The following DOCK5 variants were observed in gnomAD, a reference collection of about 807,000 sequenced individuals.
DOCK5 encodes the protein dedicator of cytokinesis protein 5.
DOCK5 carries 142 observed loss-of-function variants against 251.8 expected under a neutral mutation model. The ratio of observed to expected loss-of-function variants is 0.56; its 90% confidence interval spans 0.49 to 0.65. The LOEUF is 0.65. DOCK5 is among the 30% of genes least tolerant of loss of function. The probability of loss-of-function intolerance (pLI) is 0.00; values close to 1 mark genes in which losing one functional copy is unlikely to be tolerated. For missense variants in DOCK5, 2,111 were observed against 2,312.3 expected, an observed-to-expected ratio of 0.91 and a Z score of 1.79; for synonymous variants, 842 against 835.5, an observed-to-expected ratio of 1.01 and a Z score of -0.13.
chr8:25,400,879 G>T, intron 46 of DOCK5, 50 bp from the exon 47 acceptor site: 3 of 1,604,424 alleles, frequency 1.9e-6, no homozygotes, highest in South Asian at 1.1e-5. Context: ...AAATCAAAAC[G>T]ATCCCTCTTC....
intron 2 of DOCK5, among the ~76,000 whole-genome samples, chr8:25,245,156 A>G (rs1343097306): frequency 2.0e-5 from 3 of 152,138 alleles, no homozygotes; most frequent in Admixed American, 6.5e-5. Context: ...TTCCGGGTTC[A>G]TGCCATTCTC....
intron 26 of DOCK5, among the ~76,000 whole-genome samples, chr8:25,346,083 C>G (rs1419336373): frequency 6.6e-6 from 1 of 152,142 alleles, no homozygotes; most frequent in Non-Finnish European, 1.5e-5. Context: ...ATCTCCTGAC[C>G]TCGTGATCCA....
At chr8:25,269,678 C>T (rs1803854687) in intron 3 of DOCK5, among the ~76,000 whole-genome samples, 1 of 150,944 alleles carries the variant, frequency 6.6e-6, no homozygotes, top group Non-Finnish European at 1.5e-5. Flanking sequence ...TAGGTCTTGT[C>T]AGCACTTTTC....
intron 27 of DOCK5, among the ~76,000 whole-genome samples, chr8:25,356,089 AT>A (rs1442431169): frequency 3.3e-5 from 5 of 151,090 alleles, no homozygotes; most frequent in Non-Finnish European, 7.4e-5. Context: ...AGTCCGAGCT[AT>A]TGGGAGGCTG....
chr8:25,269,703 G>A (rs887746367), intron 3 of DOCK5, among the ~76,000 whole-genome samples: 5 of 152,278 alleles, frequency 3.3e-5, no homozygotes, highest in African/African-American at 9.6e-5. Context: ...GATACTGCTC[G>A]CTGGGGCAGC....
intron 27 of DOCK5, among the ~76,000 whole-genome samples, chr8:25,357,127 T>G (rs1800589847): frequency 6.6e-6 from 1 of 151,382 alleles, no homozygotes; most frequent in Non-Finnish European, 1.5e-5. Flanking sequence ...AAAAAGTTCA[T>G]GGACAGACTG....
chr8:25,304,253 A>G lies in DOCK5; in HGVS notation c.977-2A>G. On this transcript the variant is annotated splice_acceptor_variant, in intron 10 of 51. Transcript: ENST00000276440. LOFTEE classifies it high-confidence loss of function. ...CTTTAATGAAGTTTATCTTTTTCCT[A>G]GTGATGGATATTACTGATATCATAC... 1 of 1,597,536 alleles carries G rather than the reference A, an allele frequency of 6.3e-7. No individual in the cohort carries two copies. Among genetic ancestry groups the G allele is most frequent in the Non-Finnish European group, 8.5e-7 (1 of 1,173,420 alleles).
intron 42 of DOCK5, among the ~76,000 whole-genome samples, chr8:25,391,243 GTGTGTGTA>G (rs1443377621): frequency 7.2e-6 from 1 of 138,910 alleles, no homozygotes; most frequent in Non-Finnish European, 1.6e-5. Context: ...GTGTGTGTGT[GTGTGTGTA>G]AATGGGATCT....
chr8:25,322,370 T>C (rs934467465), intron 16 of DOCK5, among the ~76,000 whole-genome samples: 3 of 152,210 alleles, frequency 2.0e-5, no homozygotes, highest in African/African-American at 7.2e-5. Flanking sequence ...ACATCTTAGC[T>C]GAGACTTGAA....
chr8:25,266,434 C>T (rs1025640001), intron 2 of DOCK5, among the ~76,000 whole-genome samples: 5 of 151,920 alleles, frequency 3.3e-5, no homozygotes, highest in Admixed American at 2.6e-4. Flanking sequence ...CCAGGATGGT[C>T]TCGATCTCCT....
At chr8:25,328,785 C>T (rs2960173) in intron 18 of DOCK5, among the ~76,000 whole-genome samples, 121,935 of 152,114 alleles carry the variant, frequency 0.8, 48,980 homozygotes, top group Middle Eastern at 0.85. Flanking sequence ...AGATTTGTTT[C>T]CCAGGAAAAA....
rs572792773 is a variant in DOCK5 at position 25,332,626 on chromosome 8, A to G, written c.2025A>G (p.Ala675=). ...AGTTTTTGCAAGATACACTAGATGC[A>G]CTCTTTAACATAATGATGGAAATGT... ...IVKFLQDTLD[A]LFNIMMEMSD... is the part of the protein sequence containing the mutation. The change falls in exon 20 of 52, where the codon GCA becomes GCG. Residue 675 remains alanine (A), a synonymous_variant. Coordinates refer to ENST00000276440, the MANE Select transcript of DOCK5 (RefSeq NM_024940.8). 3 of 1,611,788 alleles carry G rather than the reference A, an allele frequency of 1.9e-6. No homozygotes were observed. The South Asian group carries it at 3.3e-5, about 18-fold the overall frequency.
intron 1 of DOCK5, among the ~76,000 whole-genome samples, chr8:25,190,847 G>A (rs572398110): frequency 2.9e-4 from 40 of 140,346 alleles, no homozygotes; most frequent in Admixed American, 2.0e-3. Context: ...GCAGTGGCGC[G>A]ATCTCGGCTC....
intron 15 of DOCK5, among the ~76,000 whole-genome samples, chr8:25,320,095 C>A (rs1805382455): frequency 6.6e-6 from 1 of 152,264 alleles, no homozygotes; most frequent in East Asian, 1.9e-4. Context: ...CCCACAAGGG[C>A]TCTGCAACTA....
rs1563217945 is a variant in DOCK5, at chr8:25,366,934, CCTT to C, written c.3191_3193del (p.Phe1064del). ...ACCCATGAGTCCCTTCAGCTTGAAACCTTCTCACAAGCCAAGCGCAACAAAATT... is the reference window on the plus strand; with the variant it reads ...ACCCATGAGTCCCTTCAGCTTGAAACCTCACAAGCCAAGCGCAACAAAATT... On this transcript the variant is annotated inframe_deletion, in exon 31 of 52. Coordinates refer to ENST00000276440, the MANE Select transcript of DOCK5 (RefSeq NM_024940.8). 1 of 1,613,836 alleles carries C rather than the reference CCTT, an allele frequency of 6.2e-7. No individual in the cohort carries two copies. Among genetic ancestry groups the C allele is most frequent in the Non-Finnish European group, 8.5e-7 (1 of 1,179,790 alleles).
At chr8:25,400,079 A>G (rs1025670370) in intron 46 of DOCK5, 85 bp downstream of exon 46, 1 of 1,022,130 alleles carries the variant, frequency 9.8e-7, no homozygotes, top group Non-Finnish European at 1.5e-6. Context: ...CTACAAGCCC[A>G]CTCAGGGTGA....
At chr8:25,230,951 A>G (rs114813034) in intron 1 of DOCK5, among the ~76,000 whole-genome samples, 172 of 152,288 alleles carry the variant, frequency 1.1e-3, no homozygotes, top group African/African-American at 4.0e-3. Flanking sequence ...TGAATTGCAA[A>G]CAACATGATT....
At position 25,358,384 on chromosome 8, in the gene DOCK5, G is replaced by A. The variant is rs147908017; in HGVS notation, c.2851-579G>A. On this transcript the variant is annotated intron_variant, in intron 27 of 51. Coordinates refer to ENST00000276440, the MANE Select transcript of DOCK5 (RefSeq NM_024940.8). ...CTAGCATGAGTGTAACCGTTCCCATGATTAAATTACCTCCCACTGGGCCCC... is the reference window on the plus strand; with the variant it reads ...CTAGCATGAGTGTAACCGTTCCCATAATTAAATTACCTCCCACTGGGCCCC... 4.4e-3 allele frequency among the ~76,000 whole-genome samples: 669 copies of A among 152,286 alleles called. 6 individuals carry two copies. The highest frequency in any genetic ancestry group is 0.015 in the African/African-American group (634 of 41,566).
chr8:25,194,288 T>A (rs907173078), intron 1 of DOCK5, among the ~76,000 whole-genome samples: 15 of 152,142 alleles, frequency 9.9e-5, no homozygotes, highest in African/African-American at 3.4e-4. Flanking sequence ...AGCAAGACTC[T>A]GTCTCAAAAA....
Sources: gnomAD v4.1 joint callset for allele counts (sites outside exome capture counted in the v4.1 genomes callset) on GRCh38, gnomAD v4.1.1 for gene constraint, MANE v1.5 for transcripts, NCBI Gene and HGNC (gene_info 2026-07-23, HGNC 2026-07-21) for gene names.